The following CALHM4 variants were observed in gnomAD, a reference collection of about 807,000 sequenced individuals.
CALHM4 encodes calcium homeostasis modulator protein 4.
In CALHM4, 16 loss-of-function variants were observed where a neutral mutation model predicts 13.3. The observed-to-expected ratio is 1.20, with a 90% CI of 0.81 to 1.82. The LOEUF (loss-of-function observed/expected upper bound fraction) is 1.82, where lower values mean the gene tolerates loss of function less well. Ranked by LOEUF, CALHM4 falls within the 40% of genes most tolerant of loss-of-function variation. The probability of loss-of-function intolerance (pLI) is 0.00; values close to 1 mark genes in which losing one functional copy is unlikely to be tolerated. For missense variants in CALHM4, 344 were observed against 374.9 expected (o/e 0.92, Z 0.68); for synonymous variants, 127 against 137.1 (o/e 0.93, Z 0.52).
At position 116,544,573 on chromosome 6, in the gene CALHM4, TTAAC is replaced by T. The variant is rs1773659927; in HGVS notation, c.-1+704_-1+707del. On this transcript the variant is annotated intron_variant, in intron 2 of 2. Transcript: ENST00000368597. ...CATATGAATATCTGAAAGAACATCA[TTAAC>T]TATTTCAGTAGGTTATGAATGTATC... Among the ~76,000 whole-genome samples, 3 of 152,290 alleles carry T rather than the reference TTAAC, an allele frequency of 2.0e-5. No individual in the cohort carries two copies. The South Asian group carries it at 6.2e-4, about 32-fold the overall frequency.
chr6:116,553,743 G>C, upstream of CALHM4: 3 of 1,488,426 alleles, frequency 2.0e-6, no homozygotes, highest in South Asian at 1.3e-5. Context: ...AGCTGGTGGA[G>C]TCTAATGATC....
upstream of CALHM4, among the ~76,000 whole-genome samples, chr6:116,551,893 T>C (rs747770019): frequency 8.5e-5 from 13 of 152,236 alleles, no homozygotes; most frequent in Non-Finnish European, 1.8e-4. Flanking sequence ...GTCTTTATTT[T>C]AGACATTTTA....
rs1027396782 is a variant in CALHM4, at chr6:116,560,729, G to A, written c.*2518G>A. 1.3e-5 allele frequency among the ~76,000 whole-genome samples: 2 copies of A among 151,396 alleles called. No homozygotes were observed. The highest frequency in any genetic ancestry group is 2.9e-5 in the Non-Finnish European group (2 of 67,944). On this transcript the variant is annotated 3_prime_UTR_variant, in exon 2 of 2. Transcript: ENST00000368596. ...ATGAAACTTTTTCATTAAGAACATG[G>A]TACTCCCTCCCCTTTATGCTTAATG...
intron 1 of CALHM4, among the ~76,000 whole-genome samples, chr6:116,543,077 G>A (rs1773561686): frequency 6.6e-6 from 1 of 152,106 alleles, no homozygotes; most frequent in African/African-American, 2.4e-5. Context: ...TAACTAAAGA[G>A]AAAACATCCC....
intron 1 of CALHM4, among the ~76,000 whole-genome samples, chr6:116,542,471 A>G (rs1696888058): frequency 6.6e-6 from 1 of 152,152 alleles, no homozygotes. Flanking sequence ...CTAAAATGTT[A>G]GGCTAAATTT....
intron 2 of CALHM4, chr6:116,545,473 T>A (rs367955801): frequency 3.9e-5 from 61 of 1,544,338 alleles, no homozygotes; most frequent in Non-Finnish European, 5.2e-5. Context: ...AAGATCTTAC[T>A]ATTTTATGGT....
rs769942405 is a variant in CALHM4, at chr6:116,558,093, C to G, written c.827C>G (p.Ser276Ter). 1.7e-5 allele frequency: 27 copies of G among 1,614,034 alleles called. No individual in the cohort carries two copies. Among genetic ancestry groups the G allele is most frequent in the Non-Finnish European group, 2.3e-5 (27 of 1,180,018 alleles). Residue 276 changes from serine (S) to a stop codon, truncating the protein, a stop_gained, in exon 2 of 2, where the codon TCA (serine) becomes TGA (stop). Transcript: ENST00000368596. LOFTEE classifies it high-confidence loss of function. The stretch of plus-strand genomic sequence containing the variant: ...TCTTGTCAGGACTGGAAAGATATTT[C>G]AGTACCCACTCTTTTATGCATGGGT... Reference protein sequence around the residue: ...IPSCQDWKDISVPTLLCMGDD... With the variant: ...IPSCQDWKDI
chr6:116,543,949 T>C lies in CALHM4; in HGVS notation c.-1+77T>C, dbSNP rs1396285769. On this transcript the variant is annotated intron_variant, in intron 2 of 2. Transcript: ENST00000368597. ...TTATAGTTCTCCAAAATATGTCCCA[T>C]TTTTAGAGTAAATTATAAATGAAAA... 6 of 1,153,010 alleles carry C rather than the reference T, an allele frequency of 5.2e-6. No homozygotes were observed. The African/African-American group carries it at 9.4e-5, about 18-fold the overall frequency. The allele number at this position is 1,153,010 out of a possible 1,614,324, so 71.4% of individuals were successfully genotyped here. A position where few individuals can be genotyped will look rare whatever the true frequency, so the allele number is the denominator to read the frequency against.
intron 1 of CALHM4, among the ~76,000 whole-genome samples, chr6:116,531,857 A>G (rs529847186): frequency 6.7e-6 from 1 of 149,798 alleles, no homozygotes; most frequent in South Asian, 2.1e-4. Context: ...ACAATTTAAT[A>G]TAATTAAAAT....
At chr6:116,550,229 A>G (rs186025362), upstream of CALHM4, among the ~76,000 whole-genome samples, 1 of 151,710 alleles carries the variant, frequency 6.6e-6, no homozygotes, top group East Asian at 1.9e-4. Context: ...CAGTACCTTT[A>G]TTTTCAAGCA....
intron 1 of CALHM4, among the ~76,000 whole-genome samples, chr6:116,539,707 T>C (rs1773316695): frequency 6.6e-6 from 1 of 152,142 alleles, no homozygotes; most frequent in Admixed American, 6.6e-5. Flanking sequence ...AAAATGAGAC[T>C]GACTTAATTG....
At position 116,560,139 on chromosome 6, in the gene CALHM4, C is replaced by T. The variant is rs752845359; in HGVS notation, c.*1928C>T. ...CATCCATTTTGTTCCCTAAGGTCTG[C>T]TCCAGTTCTAAAATTCTGTTCCTAT... On this transcript the variant is annotated 3_prime_UTR_variant, in exon 2 of 2. Coordinates refer to ENST00000368596, the MANE Select transcript of CALHM4 (RefSeq NM_001366078.2). Among the ~76,000 whole-genome samples, 7 of 152,224 alleles carry T rather than the reference C, an allele frequency of 4.6e-5. No homozygotes were observed. Among genetic ancestry groups the T allele is most frequent in the East Asian group, 1.9e-4 (1 of 5,182 alleles).
Position 116,558,370 on chromosome 6 carries a change from A to C in CALHM4, c.*159A>C, listed in dbSNP as rs1774438031. 12 of 890,582 alleles carry C rather than the reference A, an allele frequency of 1.3e-5. No individual in the cohort carries two copies. The South Asian group carries it at 2.5e-4, about 18-fold the overall frequency. The allele number at this position is 890,582 out of a possible 1,614,324, so 55.2% of individuals were successfully genotyped here. On this transcript the variant is annotated 3_prime_UTR_variant, in exon 2 of 2. Transcript: ENST00000368596. The stretch of plus-strand genomic sequence containing the variant: ...ATATTATTTCTAAAATCAATCTATT[A>C]GATAATTGTGCCAATCTCTCATTTT...
chr6:116,549,968 C>T (rs536563035), upstream of CALHM4, among the ~76,000 whole-genome samples: 37 of 128,930 alleles, frequency 2.9e-4, 1 homozygote, highest in South Asian at 9.2e-3. Flanking sequence ...AAGAGCAAAA[C>T]TCCATCTTAA....
chr6:116,532,111 G>A (rs1449134824), intron 1 of CALHM4, among the ~76,000 whole-genome samples: 7 of 152,100 alleles, frequency 4.6e-5, no homozygotes, highest in Non-Finnish European at 7.4e-5. Context: ...GAAATAAGAG[G>A]GCTGCTTCTG....
At chr6:116,556,032 A>G (rs1018432880) in intron 1 of CALHM4, among the ~76,000 whole-genome samples, 7 of 152,234 alleles carry the variant, frequency 4.6e-5, no homozygotes, top group African/African-American at 1.7e-4. Context: ...GACCACTTTT[A>G]CATGACTCCT....
intron 1 of CALHM4, among the ~76,000 whole-genome samples, chr6:116,542,731 T>A: frequency 6.6e-6 from 1 of 152,112 alleles, no homozygotes; most frequent in East Asian, 1.9e-4. Flanking sequence ...AGTGAGTTTT[T>A]CTACCTAATA....
In CALHM4 at chr6:116,558,378, G is replaced by A. The variant is rs974984697; in HGVS notation, c.*167G>A. On this transcript the variant is annotated 3_prime_UTR_variant, in exon 2 of 2. Coordinates refer to ENST00000368596, the MANE Select transcript of CALHM4 (RefSeq NM_001366078.2). ...TCTAAAATCAATCTATTAGATAATT[G>A]TGCCAATCTCTCATTTTGAAATTTT... is the stretch of plus-strand genomic sequence containing the variant. 5 of 844,374 alleles carry A rather than the reference G, an allele frequency of 5.9e-6. No individual in the cohort carries two copies. The highest frequency in any genetic ancestry group is 8.5e-6 in the Non-Finnish European group (5 of 587,104). 52.3% of individuals were successfully genotyped at this position (844,374 alleles called of 1,614,324 possible). A position where few individuals can be genotyped will look rare whatever the true frequency, so the allele number is the denominator to read the frequency against.
chr6:116,554,382 A>G, intron 1 of CALHM4, 31 bp downstream of exon 1: 1 of 1,472,774 alleles, frequency 6.8e-7, no homozygotes, highest in Non-Finnish European at 9.0e-7. Context: ...TCCCTCTGCT[A>G]TGTTATCCTA....
Sources: gnomAD v4.1 joint callset for allele counts (sites outside exome capture counted in the v4.1 genomes callset) on GRCh38, gnomAD v4.1.1 for gene constraint, MANE v1.5 for transcripts, NCBI Gene and HGNC (gene_info 2026-07-23, HGNC 2026-07-21) for gene names.